Variants in SLC6A11 observed in about 807,000 individuals in gnomAD.
SLC6A11 encodes the protein solute carrier family 6 member 11.
SLC6A11 carries 25 observed loss-of-function variants against 74.8 expected under a neutral mutation model. The observed-to-expected ratio is 0.33, with a 90% CI of 0.24 to 0.47. The LOEUF (loss-of-function observed/expected upper bound fraction) is 0.47. Ranked by LOEUF, SLC6A11 falls within the 20% of genes least tolerant of loss-of-function variation. The pLI, the probability that SLC6A11 is intolerant of heterozygous loss-of-function variation, is 1.00. For synonymous variants in SLC6A11, 330 were observed against 330.2 expected, an observed-to-expected ratio of 1.00 and a Z score of 0.01; for missense variants, 574 against 837.0, an observed-to-expected ratio of 0.69 and a Z score of 3.88.
intron 4 of SLC6A11, among the ~76,000 whole-genome samples, chr3:10,837,306 G>A (rs1014486275): frequency 9.2e-5 from 14 of 152,198 alleles, no homozygotes; most frequent in African/African-American, 1.7e-4. Context: ...ATTTTGCAGG[G>A]ACAGAGGGAA....
chr3:10,830,696 C>T (rs1248429721), intron 4 of SLC6A11, among the ~76,000 whole-genome samples: 1 of 152,010 alleles, frequency 6.6e-6, no homozygotes, highest in Non-Finnish European at 1.5e-5. Flanking sequence ...AGCTACAGGG[C>T]CGAGGGAGCA....
intron 5 of SLC6A11, among the ~76,000 whole-genome samples, chr3:10,867,702 T>G (rs1208381592): frequency 6.6e-6 from 1 of 152,178 alleles, no homozygotes; most frequent in Non-Finnish European, 1.5e-5. Flanking sequence ...TCAGTGATAA[T>G]CCATGAACCC....
At chr3:10,937,056 C>T (rs760483856) in intron 13 of SLC6A11, among the ~76,000 whole-genome samples, 13 of 151,980 alleles carry the variant, frequency 8.6e-5, no homozygotes, top group Non-Finnish European at 1.6e-4. Flanking sequence ...TGCTGGGGGA[C>T]GGGAAGGATC....
chr3:10,851,852 C>G (rs1234962311), intron 5 of SLC6A11, among the ~76,000 whole-genome samples: 1 of 152,170 alleles, frequency 6.6e-6, no homozygotes, highest in Non-Finnish European at 1.5e-5. Context: ...GGTAAGCCAG[C>G]AGGTCTTGGA....
intron 13 of SLC6A11, 186 bp downstream of exon 13, chr3:10,935,385 T>A: frequency 1.7e-6 from 1 of 587,036 alleles, no homozygotes; most frequent in Admixed American, 3.1e-5. Context: ...TGAAGTCTTT[T>A]GGCTGAGCCA....
At chr3:10,870,792 C>T (rs931424270) in intron 5 of SLC6A11, among the ~76,000 whole-genome samples, 1 of 152,190 alleles carries the variant, frequency 6.6e-6, no homozygotes. Flanking sequence ...ACCTTTTGTA[C>T]CCTGACTCAA....
chr3:10,897,169 C>G (rs544469797), intron 6 of SLC6A11, among the ~76,000 whole-genome samples: 3 of 152,180 alleles, frequency 2.0e-5, no homozygotes, highest in African/African-American at 7.2e-5. Context: ...TCCTATAACA[C>G]GTAGGAATTA....
chr3:10,854,145 T>C (rs1694609961), intron 5 of SLC6A11, among the ~76,000 whole-genome samples: 1 of 152,220 alleles, frequency 6.6e-6, no homozygotes, highest in South Asian at 2.1e-4. Flanking sequence ...CCCAACACTT[T>C]GGGAGGCTGA....
chr3:10,901,445 C>T (rs946216704), intron 6 of SLC6A11, among the ~76,000 whole-genome samples: 37 of 152,372 alleles, frequency 2.4e-4, no homozygotes, highest in African/African-American at 4.6e-4. Flanking sequence ...CCGCCCGCAG[C>T]GCAACCCTTT....
At chr3:10,905,112 T>A (rs1439949695) in intron 6 of SLC6A11, among the ~76,000 whole-genome samples, 1 of 152,232 alleles carries the variant, frequency 6.6e-6, no homozygotes, top group Non-Finnish European at 1.5e-5. Flanking sequence ...TGATTTTGTT[T>A]GTCTGTGCTT....
chr3:10,908,855 G>A (rs1009440964), intron 6 of SLC6A11, among the ~76,000 whole-genome samples: 1 of 152,094 alleles, frequency 6.6e-6, no homozygotes, highest in African/African-American at 2.4e-5. Context: ...AGAGCTAAAT[G>A]TTGCTATTAG....
In SLC6A11 at chr3:10,816,490, C is replaced by G. The variant is rs1353306926; in HGVS notation, c.225C>G (p.Arg75=). ...GEIIGLGNVW[R]FPYLCYKNGG... The stretch of plus-strand genomic sequence containing the variant: ...TCATTGGGCTGGGCAACGTGTGGCG[C>G]TTCCCCTACCTGTGCTACAAGAACG... Residue 75 remains arginine, a synonymous_variant, in exon 1 of 14, where the codon CGC becomes CGG. Transcript: ENST00000254488. This position sits in a 1 kb window ranked among gnomAD's most constrained non-coding sequence, Gnocchi z 4.2. 1.9e-6 allele frequency: 3 copies of G among 1,604,138 alleles called. No individual in the cohort carries two copies. The Admixed American group carries it at 5.0e-5, about 27-fold the overall frequency.
Position 10,816,543 on chromosome 3 carries a change from G to A in SLC6A11, c.256+22G>A, listed in dbSNP as rs747836863. 4 of 1,563,164 alleles carry A rather than the reference G, an allele frequency of 2.6e-6. No homozygotes were observed. The highest frequency in any genetic ancestry group is 3.5e-6 in the Non-Finnish European group (4 of 1,154,488). On this transcript the variant is annotated intron_variant, in intron 1 of 13. Coordinates refer to ENST00000254488, the MANE Select transcript of SLC6A11 (RefSeq NM_014229.3). This position sits in a 1 kb window ranked among gnomAD's most constrained non-coding sequence, Gnocchi z 4.2. ...GGAGGTGAGGTGATAGTGAGGAGAA[G>A]GGGAGGGGGCGCCAACCGCCCGGTG...
intron 5 of SLC6A11, among the ~76,000 whole-genome samples, chr3:10,850,224 C>T (rs1694556330): frequency 6.6e-6 from 1 of 152,128 alleles, no homozygotes. Flanking sequence ...TAAAAAGCAA[C>T]ATGATGGTTT....
intron 5 of SLC6A11, among the ~76,000 whole-genome samples, chr3:10,863,468 G>T (rs546949610): frequency 1.3e-5 from 2 of 152,242 alleles, no homozygotes; most frequent in African/African-American, 2.4e-5. Context: ...GACCTAGAAA[G>T]ATAATAGCTT....
At chr3:10,884,530 A>T (rs1695019994) in intron 6 of SLC6A11, among the ~76,000 whole-genome samples, 1 of 152,154 alleles carries the variant, frequency 6.6e-6, no homozygotes, top group Admixed American at 6.5e-5. Context: ...TGAGGGGCTG[A>T]AGCTTGCACA....
intron 5 of SLC6A11, among the ~76,000 whole-genome samples, chr3:10,873,415 CT>C: frequency 6.7e-6 from 1 of 149,486 alleles, no homozygotes; most frequent in African/African-American, 2.5e-5. Flanking sequence ...CTATCCTATC[CT>C]ATCCTATCCT....
intron 6 of SLC6A11, among the ~76,000 whole-genome samples, chr3:10,894,620 A>G (rs1695148599): frequency 6.6e-6 from 1 of 152,210 alleles, no homozygotes; most frequent in African/African-American, 2.4e-5. Flanking sequence ...AGAGAGTAGA[A>G]TGGTGGTTCC....
chr3:10,931,524 G>T (rs1432891337), intron 10 of SLC6A11, among the ~76,000 whole-genome samples: 1 of 152,174 alleles, frequency 6.6e-6, no homozygotes, highest in Non-Finnish European at 1.5e-5. Flanking sequence ...GAGAACCCAG[G>T]CCAGGCATGG....
Sources: gnomAD v4.1 joint callset for allele counts (sites outside exome capture counted in the v4.1 genomes callset) on GRCh38, gnomAD v4.1.1 for gene constraint, Gnocchi (gnomAD v3.1) non-coding constraint, MANE v1.5 for transcripts, NCBI Gene and HGNC (gene_info 2026-07-23, HGNC 2026-07-21) for gene names.